Variants in UBE2D1 observed in about 807,000 individuals in gnomAD.
UBE2D1 encodes the protein ubiquitin conjugating enzyme E2 D1.
UBE2D1 carries 9 observed loss-of-function variants against 24.6 expected under a neutral mutation model. The observed-to-expected ratio is 0.37, with a 90% CI of 0.22 to 0.64. The LOEUF is 0.64. Among genes scored for constraint, UBE2D1 ranks in the 30% least tolerant of loss-of-function variants. The pLI is 0.64. For synonymous variants in UBE2D1, 57 were observed against 57.6 expected, an observed-to-expected ratio of 0.99 and a Z score of 0.04; for missense variants, 87 against 177.1, an observed-to-expected ratio of 0.49 and a Z score of 2.89.
chr10:58,364,934 C>A, intron 5 of UBE2D1, 58 bp downstream of exon 5: 3 of 1,339,746 alleles, frequency 2.2e-6, no homozygotes, highest in Admixed American at 1.8e-5. Flanking sequence ...AAAAATACAG[C>A]AGAATTACCT....
intron 1 of UBE2D1, among the ~76,000 whole-genome samples, chr10:58,343,985 A>G (rs911851406): frequency 1.7e-4 from 26 of 152,158 alleles, no homozygotes; most frequent in Admixed American, 7.9e-4. Context: ...GGAGCACTCA[A>G]AATGCTCCAT....
rs958306460 is a variant in UBE2D1, at chr10:58,336,553, T to G, written c.24+1328T>G. On this transcript the variant is annotated intron_variant, in intron 1 of 6. Coordinates refer to ENST00000373910, the MANE Select transcript of UBE2D1 (RefSeq NM_003338.5). ...TTGTGCCATTTAAAGGTCATCTCAT[T>G]GTAAAACATACAGTTAACAATCAGC... Among the ~76,000 whole-genome samples, 3 of 152,362 alleles carry G rather than the reference T, an allele frequency of 2.0e-5. No homozygotes were observed. The East Asian group carries it at 5.8e-4, about 29-fold the overall frequency.
intron 1 of UBE2D1, among the ~76,000 whole-genome samples, chr10:58,343,885 C>T (rs1839987841): frequency 6.6e-6 from 1 of 152,162 alleles, no homozygotes; most frequent in African/African-American, 2.4e-5. Flanking sequence ...ATGTTTTACA[C>T]ACGTTTTAAT....
chr10:58,344,002 A>G (rs555573575), intron 1 of UBE2D1, among the ~76,000 whole-genome samples: 1 of 152,256 alleles, frequency 6.6e-6, no homozygotes, highest in South Asian at 2.1e-4. Context: ...CCATTTGCAT[A>G]TTTTATGTGA....
At chr10:58,357,068 G>A (rs931379356) in intron 1 of UBE2D1, among the ~76,000 whole-genome samples, 4 of 151,970 alleles carry the variant, frequency 2.6e-5, no homozygotes, top group African/African-American at 9.7e-5. Flanking sequence ...GGGAATCTGG[G>A]GTATATAAAT....
At chr10:58,349,671 A>C (rs1234602710) in intron 1 of UBE2D1, among the ~76,000 whole-genome samples, 1 of 152,120 alleles carries the variant, frequency 6.6e-6, no homozygotes, top group Non-Finnish European at 1.5e-5. Context: ...TACAATGTAA[A>C]CTTTTTGTTT....
At chr10:58,366,981 G>T (rs755384281) in intron 5 of UBE2D1, among the ~76,000 whole-genome samples, 2 of 152,102 alleles carry the variant, frequency 1.3e-5, no homozygotes, top group Non-Finnish European at 1.5e-5. Flanking sequence ...TGCCCTGTTG[G>T]TTTAATATAC....
chr10:58,361,596 T>G, intron 3 of UBE2D1, 70 bp downstream of exon 3: 1 of 1,593,684 alleles, frequency 6.3e-7, no homozygotes, highest in South Asian at 1.1e-5. Flanking sequence ...TCACCTTTGA[T>G]CAGATGTTTG....
In UBE2D1 at chr10:58,351,135, C is replaced by T. The variant is rs529205012; in HGVS notation, c.25-10203C>T. On this transcript the variant is annotated intron_variant, in intron 1 of 6. Transcript: ENST00000373910. ...AGTAAGTGGTGAGTGAATGTGAAGG[C>T]CTTGGGCATTACTGTACACTGCCGT... Among the ~76,000 whole-genome samples the T allele has an allele frequency of 2.6e-5, 4 of 152,154 alleles. No individual in the cohort carries two copies. In the East Asian group the frequency reaches 5.8e-4, roughly 22 times the overall value.
At chr10:58,335,544 C>A (rs987307580) in intron 1 of UBE2D1, among the ~76,000 whole-genome samples, 2 of 152,264 alleles carry the variant, frequency 1.3e-5, no homozygotes, top group Non-Finnish European at 2.9e-5. Flanking sequence ...ACGGTCACGG[C>A]CGGGTTTTGC....
chr10:58,362,039 A>G (rs1840204535), intron 3 of UBE2D1, among the ~76,000 whole-genome samples: 1 of 152,114 alleles, frequency 6.6e-6, no homozygotes, highest in African/African-American at 2.4e-5. Flanking sequence ...ATTTTGTTGC[A>G]TTGTCCTAAA....
intron 3 of UBE2D1, among the ~76,000 whole-genome samples, chr10:58,363,026 T>C (rs1177491542): frequency 6.6e-6 from 1 of 152,126 alleles, no homozygotes; most frequent in African/African-American, 2.4e-5. Flanking sequence ...AGCATGAATA[T>C]ATAATTTTGT....
At chr10:58,365,250 G>C (rs1468631363) in intron 5 of UBE2D1, among the ~76,000 whole-genome samples, 5 of 152,096 alleles carry the variant, frequency 3.3e-5, no homozygotes, top group Non-Finnish European at 2.9e-5. Context: ...GTGGAGGATT[G>C]CTTGAGCCCG....
chr10:58,346,812 TAGG>T (rs1386291834), intron 1 of UBE2D1, among the ~76,000 whole-genome samples: 1 of 151,994 alleles, frequency 6.6e-6, no homozygotes, highest in Non-Finnish European at 1.5e-5. Context: ...GGTAGAAAAA[TAGG>T]AGGACAGTAG....
intron 1 of UBE2D1, among the ~76,000 whole-genome samples, chr10:58,355,626 A>C (rs939838613): frequency 2.0e-5 from 3 of 152,286 alleles, no homozygotes; most frequent in Admixed American, 6.5e-5. Context: ...AAAATAATTA[A>C]GCTTGGGAAA....
Position 58,349,705 on chromosome 10 carries a change from A to T in UBE2D1, c.25-11633A>T, listed in dbSNP as rs1016191686. Among the ~76,000 whole-genome samples, 7 of 152,338 alleles carry T rather than the reference A, an allele frequency of 4.6e-5. No homozygotes were observed. The East Asian group carries it at 1.3e-3, about 29-fold the overall frequency. On this transcript the variant is annotated intron_variant, in intron 1 of 6. Transcript: ENST00000373910. ...TTCAGTTATACAGACATAAGTATAC[A>T]GCTTGACCAATTTTTACAAAGTGAA...
Position 58,370,441 on chromosome 10 carries a change from ATAAT to A in UBE2D1, c.*1680_*1683del, listed in dbSNP as rs1322961315. On this transcript the variant is annotated 3_prime_UTR_variant, in exon 7 of 7. Coordinates refer to ENST00000373910, the MANE Select transcript of UBE2D1 (RefSeq NM_003338.5). ...ATGTGTTTTTATAAATGAATGTAAA[ATAAT>A]TAAATGAATTGTGAAATGGATGTTT... 3.3e-5 allele frequency: 5 copies of A among 152,598 alleles called. No homozygotes were observed. The highest frequency in any genetic ancestry group is 6.6e-5 in the Admixed American group (1 of 15,252). The allele number at this position is 152,598 out of a possible 1,614,324, so 9.5% of individuals were successfully genotyped here.
At chr10:58,337,177 C>A (rs1564556667) in intron 1 of UBE2D1, among the ~76,000 whole-genome samples, 1 of 151,998 alleles carries the variant, frequency 6.6e-6, no homozygotes, top group African/African-American at 2.4e-5. Context: ...TGATATCAAA[C>A]ATGTGACAAA....
At chr10:58,366,515 CT>C (rs1410212474) in intron 5 of UBE2D1, among the ~76,000 whole-genome samples, 2 of 152,010 alleles carry the variant, frequency 1.3e-5, no homozygotes, top group African/African-American at 2.4e-5. Flanking sequence ...TTCTTGCTTA[CT>C]TTTTTATAAG....
Sources: gnomAD v4.1 joint callset for allele counts (sites outside exome capture counted in the v4.1 genomes callset) on GRCh38, gnomAD v4.1.1 for gene constraint, MANE v1.5 for transcripts, NCBI Gene and HGNC (gene_info 2026-07-23, HGNC 2026-07-21) for gene names.